The following CHL1 variants were observed in gnomAD, a reference collection of about 807,000 sequenced individuals.
CHL1 encodes the protein neural cell adhesion molecule L1-like protein.
A neutral mutation model predicts 141.9 loss-of-function variants in CHL1; 96 were observed. That is an observed-to-expected ratio of 0.68 (90% CI 0.57 to 0.80). CHL1 has a LOEUF of 0.80. Among genes scored for constraint, CHL1 ranks in the 30% least tolerant of loss-of-function variants. The pLI is 0.00. For synonymous variants in CHL1, 613 were observed against 502.2 expected, an observed-to-expected ratio of 1.22 and a Z score of -2.95; for missense variants, 1,820 against 1,457.2, an observed-to-expected ratio of 1.25 and a Z score of -4.05.
At position 366,002 on chromosome 3, in the gene CHL1, T is replaced by G; in HGVS notation, c.1638T>G (p.His546Gln). 1.2e-6 allele frequency: 2 copies of G among 1,613,678 alleles called. No homozygotes were observed. Among genetic ancestry groups the G allele is most frequent in the Non-Finnish European group, 1.7e-6 (2 of 1,179,640 alleles). The change falls in exon 15 of 28, where the codon CAT becomes CAG. Residue 546 changes from histidine to glutamine, a missense_variant. Coordinates refer to ENST00000256509, the MANE Select transcript of CHL1 (RefSeq NM_006614.4). Reference protein sequence around the residue: ...SPKNPRIPKLHMLELHCESKC... With the variant: ...SPKNPRIPKLQMLELHCESKC... ...AGAATCCTCGTATCCCCAAATTGCA[T>G]ATGCTTGAATTACATTGTGAAAGCA... is the stretch of plus-strand genomic sequence containing the variant.
At chr3:347,314 C>CA (rs1702848616) in intron 9 of CHL1, among the ~76,000 whole-genome samples, 2 of 151,642 alleles carry the variant, frequency 1.3e-5, no homozygotes, top group African/African-American at 4.8e-5. Flanking sequence ...ATTTTGTGTG[C>CA]AAAAAGGCAT....
At chr3:305,104 T>C (rs1202193663) in intron 2 of CHL1, among the ~76,000 whole-genome samples, 1 of 152,178 alleles carries the variant, frequency 6.6e-6, no homozygotes, top group African/African-American at 2.4e-5. Flanking sequence ...AGAGTTATAA[T>C]TGATTTGTGC....
chr3:301,584 G>A (rs1398433389), intron 2 of CHL1, among the ~76,000 whole-genome samples: 1 of 152,106 alleles, frequency 6.6e-6, no homozygotes, highest in Non-Finnish European at 1.5e-5. Context: ...GCTCTTTGTT[G>A]AGATTCAGCA....
rs1244980246 is a variant in CHL1, at chr3:409,410, T to C, written c.*3699T>C. 6.6e-6 allele frequency: 1 copy of C among 152,076 alleles called. No homozygotes were observed. The highest frequency in any genetic ancestry group is 1.5e-5 in the Non-Finnish European group (1 of 67,980). 9.4% of individuals were successfully genotyped at this position (152,076 alleles called of 1,614,324 possible). ...CAAATAAAAGTTCTACTTCATGTAA[T>C]CCAAAAATGTTTGTATTCTGTTCTA... On this transcript the variant is annotated 3_prime_UTR_variant, in exon 28 of 28. Transcript: ENST00000256509.
At chr3:217,887 A>G (rs745700045) in intron 1 of CHL1, among the ~76,000 whole-genome samples, 13 of 152,236 alleles carry the variant, frequency 8.5e-5, no homozygotes, top group African/African-American at 2.7e-4. Flanking sequence ...GTAGATTGCA[A>G]TGGAGAGGAG....
chr3:290,258 C>G (rs1027964471), intron 2 of CHL1, among the ~76,000 whole-genome samples: 4 of 152,118 alleles, frequency 2.6e-5, no homozygotes, highest in African/African-American at 9.7e-5. Flanking sequence ...CAGAGTTTCA[C>G]TTTGTTCAAC....
In CHL1 at chr3:261,984, C is replaced by T. The variant is rs541181885; in HGVS notation, c.-95+17292C>T. Among the ~76,000 whole-genome samples the T allele has an allele frequency of 1.6e-3, 218 of 135,598 alleles. 1 individual carries two copies. The highest frequency in any genetic ancestry group is 5.3e-3 in the African/African-American group (191 of 36,246). The allele number at this position is 135,598 out of a possible 152,430, so 89.0% of individuals were successfully genotyped here. On this transcript the variant is annotated intron_variant, in intron 2 of 27. Coordinates refer to ENST00000256509, the MANE Select transcript of CHL1 (RefSeq NM_006614.4). Reference sequence around the variant, plus strand: ...TCACACGTTTAAGCCTAGATCTACACAGTACTCACAGGGCAGGATTCACAC... The same window carrying T: ...TCACACGTTTAAGCCTAGATCTACATAGTACTCACAGGGCAGGATTCACAC...
intron 2 of CHL1, among the ~76,000 whole-genome samples, chr3:260,406 C>T (rs1694608337): frequency 6.6e-6 from 1 of 152,096 alleles, no homozygotes; most frequent in African/African-American, 2.4e-5. Flanking sequence ...ATATTACTGG[C>T]CAACTGGAGA....
chr3:395,816 T>C (rs1708621930), intron 24 of CHL1, among the ~76,000 whole-genome samples: 1 of 152,192 alleles, frequency 6.6e-6, no homozygotes. Flanking sequence ...TTCCAAGTTG[T>C]AGATTAGAAA....
chr3:314,329 G>GTGTGTATATATATATATA (rs1455318071), intron 2 of CHL1, among the ~76,000 whole-genome samples: 1 of 65,344 alleles, frequency 1.5e-5, no homozygotes, highest in African/African-American at 5.3e-5. Context: ...CTCTCTATGT[G>GTGTGTATATATATATATA]TATATATATA....
intron 15 of CHL1, 81 bp downstream of exon 15, chr3:366,196 C>G: frequency 7.5e-7 from 1 of 1,334,230 alleles, no homozygotes; most frequent in South Asian, 1.2e-5. Context: ...CTAGGTCGGG[C>G]ATGCTGACTC....
At chr3:366,644 C>A (rs1704929598) in intron 15 of CHL1, among the ~76,000 whole-genome samples, 2 of 149,108 alleles carry the variant, frequency 1.3e-5, no homozygotes, top group South Asian at 2.1e-4. Flanking sequence ...GGAAACCACT[C>A]TAAGTAACCG....
chr3:282,452 A>G (rs923583498), intron 2 of CHL1, among the ~76,000 whole-genome samples: 4 of 152,204 alleles, frequency 2.6e-5, no homozygotes, highest in African/African-American at 9.7e-5. Flanking sequence ...ATTTATTTGT[A>G]TAGATTGAGG....
chr3:247,705 A>G (rs1393159777), intron 2 of CHL1: 4 of 152,044 alleles, frequency 2.6e-5, no homozygotes, highest in Non-Finnish European at 5.9e-5. Flanking sequence ...TGCCTTAACT[A>G]TCAGGTTTCT....
At chr3:376,430 G>A (rs1353880484) in intron 15 of CHL1, 1 of 514,990 alleles carries the variant, frequency 1.9e-6, no homozygotes. Context: ...AGTTCTTTAG[G>A]TATACCATAC....
At position 354,716 on chromosome 3, in the gene CHL1, T is replaced by C; in HGVS notation, c.1110T>C (p.Ala370=). The change falls in exon 11 of 28, where the codon GCT becomes GCC. Residue 370 remains alanine (A), a synonymous_variant. Transcript: ENST00000256509. The part of the protein sequence containing the change: ...TGSNGILLCE[A]EGEPQPTIKW... ...GCAATGGCATCTTGTTATGTGAGGC[T>C]GAAGGAGAACCTCAACCCACAATCA... 1 of 1,614,028 alleles carries C rather than the reference T, an allele frequency of 6.2e-7. No homozygotes were observed. Among genetic ancestry groups the C allele is most frequent in the Non-Finnish European group, 8.5e-7 (1 of 1,179,918 alleles).
At chr3:283,287 C>CT (rs1646842524) in intron 2 of CHL1, among the ~76,000 whole-genome samples, 2 of 152,232 alleles carry the variant, frequency 1.3e-5, no homozygotes, top group African/African-American at 4.8e-5. Flanking sequence ...TTGCATGTAT[C>CT]TTTTTTGTGA....
intron 1 of CHL1, among the ~76,000 whole-genome samples, chr3:225,003 G>A (rs1182342667): frequency 6.6e-6 from 1 of 152,088 alleles, no homozygotes. Context: ...AGGTGTGGTG[G>A]CTCACGCCTG....
chr3:359,873 A>T (rs1180717775), intron 11 of CHL1, among the ~76,000 whole-genome samples: 1 of 152,198 alleles, frequency 6.6e-6, no homozygotes, highest in Admixed American at 6.5e-5. Context: ...AATAGCAGCC[A>T]GTACTGGTAG....
Sources: gnomAD v4.1 joint callset for allele counts (sites outside exome capture counted in the v4.1 genomes callset) on GRCh38, gnomAD v4.1.1 for gene constraint, MANE v1.5 for transcripts, NCBI Gene and HGNC (gene_info 2026-07-23, HGNC 2026-07-21) for gene names.